The following BABAM2 variants were observed in gnomAD, a reference collection of about 807,000 sequenced individuals.
BABAM2 encodes the protein BRISC and BRCA1-A complex member 2.
In BABAM2, 31 loss-of-function variants were observed where a neutral mutation model predicts 54.7. That is an observed-to-expected ratio of 0.57 (90% CI 0.43 to 0.77). BABAM2 has a LOEUF of 0.77. Ranked by LOEUF, BABAM2 falls within the 30% of genes least tolerant of loss-of-function variation. The probability of loss-of-function intolerance (pLI) is 0.00; values close to 1 mark genes in which losing one functional copy is unlikely to be tolerated. For synonymous variants in BABAM2, 167 were observed against 162.9 expected (o/e 1.03, Z -0.19); for missense variants, 364 against 455.8 (o/e 0.80, Z 1.83).
At chr2:28,334,559 CAG>C (rs1438901470) in intron 11 of BABAM2, among the ~76,000 whole-genome samples, 5 of 152,264 alleles carry the variant, frequency 3.3e-5, no homozygotes, top group African/African-American at 9.6e-5. Flanking sequence ...TGGGATGGGC[CAG>C]ACTCCACAGT....
intron 3 of BABAM2, chr2:27,930,433 C>A (rs964794316): frequency 6.5e-6 from 1 of 153,802 alleles, no homozygotes; most frequent in Admixed American, 6.5e-5. Context: ...TACAAACGGT[C>A]TACAAGGGCT....
chr2:28,072,572 A>G (rs1261753680), intron 6 of BABAM2, among the ~76,000 whole-genome samples: 1 of 152,076 alleles, frequency 6.6e-6, no homozygotes, highest in Non-Finnish European at 1.5e-5. Context: ...TTTTTAGTAG[A>G]GACGGGGTTT....
At chr2:28,047,957 T>C (rs957009228) in intron 6 of BABAM2, among the ~76,000 whole-genome samples, 4 of 152,240 alleles carry the variant, frequency 2.6e-5, no homozygotes, top group African/African-American at 9.6e-5. Flanking sequence ...AACATGTGGT[T>C]ATGCTCTTCA....
chr2:27,989,383 A>G (rs1672620650), intron 4 of BABAM2, among the ~76,000 whole-genome samples: 1 of 152,194 alleles, frequency 6.6e-6, no homozygotes, highest in South Asian at 2.1e-4. Context: ...GAAGAATGGA[A>G]CAAAAGTGGG....
Position 28,338,719 on chromosome 2 carries a change from G to T in BABAM2, c.*206G>T. On this transcript the variant is annotated 3_prime_UTR_variant, in exon 12 of 12. Coordinates refer to ENST00000379624, the MANE Select transcript of BABAM2 (RefSeq NM_199191.3). Reference sequence around the variant, plus strand: ...CCTGGATCCTAGAGCCCTTCACTTCGGGTTACTCCCTCTTTCTTGCCTCTA... The same window carrying T: ...CCTGGATCCTAGAGCCCTTCACTTCTGGTTACTCCCTCTTTCTTGCCTCTA... The T allele has an allele frequency of 1.9e-6, 1 of 540,358 alleles. No individual in the cohort carries two copies. Among genetic ancestry groups the T allele is most frequent in the Non-Finnish European group, 3.3e-6 (1 of 303,732 alleles). 33.5% of individuals were successfully genotyped at this position (540,358 alleles called of 1,614,324 possible).
chr2:28,303,489 C>T (rs1688269038), intron 11 of BABAM2, among the ~76,000 whole-genome samples: 1 of 152,146 alleles, frequency 6.6e-6, no homozygotes, highest in Admixed American at 6.5e-5. Context: ...AGTCAATTAA[C>T]CACATGTGAG....
chr2:27,957,701 A>T (rs1031332080), intron 3 of BABAM2, among the ~76,000 whole-genome samples: 1 of 152,154 alleles, frequency 6.6e-6, no homozygotes, highest in Non-Finnish European at 1.5e-5. Context: ...AGCATTTCCC[A>T]TTCCACATGC....
intron 3 of BABAM2, among the ~76,000 whole-genome samples, chr2:27,963,410 C>T (rs765751214): frequency 2.7e-4 from 35 of 128,452 alleles, no homozygotes; most frequent in Non-Finnish European, 4.7e-4. Context: ...GCAGAGGTTG[C>T]GGTGAGCTGA....
chr2:28,327,150 C>A, intron 11 of BABAM2: 1 of 1,010,614 alleles, frequency 9.9e-7, no homozygotes, highest in East Asian at 2.5e-5. Context: ...GTGATGAACG[C>A]CAGAGAAAGA....
At chr2:27,909,811 C>T (rs1382384783) in intron 2 of BABAM2, among the ~76,000 whole-genome samples, 3 of 152,166 alleles carry the variant, frequency 2.0e-5, no homozygotes, top group African/African-American at 7.2e-5. Flanking sequence ...AAATATCACT[C>T]ATTGTTATGA....
chr2:28,227,869 T>C (rs1681035631), intron 7 of BABAM2, among the ~76,000 whole-genome samples: 1 of 152,168 alleles, frequency 6.6e-6, no homozygotes, highest in Non-Finnish European at 1.5e-5. Context: ...CCTAGTAAAT[T>C]GCCTTCTTTG....
intron 7 of BABAM2, among the ~76,000 whole-genome samples, chr2:28,136,804 A>G (rs951329454): frequency 1.3e-5 from 2 of 152,162 alleles, no homozygotes; most frequent in African/African-American, 4.8e-5. Flanking sequence ...CCTGGGATCT[A>G]CAAGGGCTGG....
intron 2 of BABAM2, among the ~76,000 whole-genome samples, chr2:27,895,629 TAA>T (rs1665233051): frequency 6.6e-6 from 1 of 152,182 alleles, no homozygotes; most frequent in South Asian, 2.1e-4. Context: ...TGTAATTAGT[TAA>T]GTACTGTATT....
intron 7 of BABAM2, among the ~76,000 whole-genome samples, chr2:28,137,773 T>C (rs4666037): frequency 1 from 152,324 of 152,326 alleles, 76,161 homozygotes; most frequent in Non-Finnish European, 1. Flanking sequence ...TCTGTGATAA[T>C]TCAAATCTCA....
chr2:28,251,910 G>T (rs994678749), intron 10 of BABAM2, among the ~76,000 whole-genome samples: 5 of 152,044 alleles, frequency 3.3e-5, no homozygotes, highest in African/African-American at 1.2e-4. Flanking sequence ...TAACTATCAG[G>T]CTAGGTGCAG....
At chr2:27,999,908 A>G (rs1273149728) in intron 4 of BABAM2, among the ~76,000 whole-genome samples, 1 of 152,162 alleles carries the variant, frequency 6.6e-6, no homozygotes, top group Non-Finnish European at 1.5e-5. Context: ...GTTCTTACAA[A>G]TAGCTTGCTT....
intron 4 of BABAM2, among the ~76,000 whole-genome samples, chr2:28,021,777 T>C (rs577720746): frequency 5.3e-5 from 8 of 152,260 alleles, no homozygotes; most frequent in Admixed American, 3.3e-4. Flanking sequence ...ATAATTTTTT[T>C]CCCCCCGGAA....
intron 4 of BABAM2, among the ~76,000 whole-genome samples, chr2:28,002,215 A>G (rs1013093701): frequency 6.6e-6 from 1 of 152,172 alleles, no homozygotes; most frequent in Non-Finnish European, 1.5e-5. Flanking sequence ...GGCTCTTCCT[A>G]GTATCTCCTA....
rs145569578 is a variant in BABAM2, at chr2:28,336,965, T to G, written c.1089-1485T>G. Among the ~76,000 whole-genome samples, 9 of 152,326 alleles carry G rather than the reference T, an allele frequency of 5.9e-5. No individual in the cohort carries two copies. In the East Asian group the frequency reaches 1.7e-3, roughly 29 times the overall value. ...TCCAGATTTGCTGCTTCTGATCTCC[T>G]GGGAGCTGGCAGCTGGTAGAGCCAG... is the stretch of plus-strand genomic sequence containing the variant. On this transcript the variant is annotated intron_variant, in intron 11 of 11. Coordinates refer to ENST00000379624, the MANE Select transcript of BABAM2 (RefSeq NM_199191.3).
Sources: allele counts gnomAD v4.1 joint callset (sites outside exome capture counted in the v4.1 genomes callset), GRCh38; gene constraint gnomAD v4.1.1; transcripts MANE v1.5; gene names NCBI Gene and HGNC (gene_info 2026-07-23, HGNC 2026-07-21).